The following VWA2 variants were observed in gnomAD, a reference collection of about 807,000 sequenced individuals.
VWA2 encodes von Willebrand factor A domain containing 2.
In VWA2, 73 loss-of-function variants were observed where a neutral mutation model predicts 70.4. The observed-to-expected ratio is 1.04, with a 90% confidence interval of 0.86 to 1.26. The LOEUF (loss-of-function observed/expected upper bound fraction) is 1.26, where lower values mean the gene tolerates loss of function less well. VWA2 is among the 50% of genes most tolerant of loss of function. The pLI, the probability that VWA2 is intolerant of heterozygous loss-of-function variation, is 0.00. For synonymous variants in VWA2, 407 were observed against 423.3 expected (o/e 0.96, Z 0.47); for missense variants, 1,011 against 998.5 (o/e 1.01, Z -0.17).
Position 114,286,398 on chromosome 10 carries a change from A to T in VWA2, c.1457A>T (p.Glu486Val), listed in dbSNP as rs1457085195. The change falls in exon 11 of 14, where the codon GAG (glutamate) becomes GTG (valine). Residue 486 changes from glutamate to valine, a missense_variant. By Grantham distance (121) the Glu-to-Val change is moderately radical. Coordinates refer to ENST00000392982, the MANE Select transcript of VWA2 (RefSeq NM_001272046.2). ...LGVGSEAVRA[E>V]LEEITGSPKH... ...GTAGGCAGTGAGGCCGTGCGGGCAGAGCTGGAGGAGATCACAGGCAGCCCA... is the reference window on the plus strand; with the variant it reads ...GTAGGCAGTGAGGCCGTGCGGGCAGTGCTGGAGGAGATCACAGGCAGCCCA... 1 of 1,613,926 alleles carries T rather than the reference A, an allele frequency of 6.2e-7. No individual in the cohort carries two copies. Among genetic ancestry groups the T allele is most frequent in the East Asian group, 2.2e-5 (1 of 44,878 alleles).
intron 7 of VWA2, 47 bp downstream of exon 7, chr10:114,278,094 G>A (rs199976059): frequency 1.9e-6 from 3 of 1,583,014 alleles, no homozygotes; most frequent in African/African-American, 1.3e-5. Context: ...TGTGGGGTCG[G>A]GGAGGGCTCC....
At chr10:114,265,090 CA>C (rs2037533452) in intron 5 of VWA2, among the ~76,000 whole-genome samples, 1 of 152,168 alleles carries the variant, frequency 6.6e-6, no homozygotes, top group Admixed American at 6.5e-5. Flanking sequence ...TAGTCATTGC[CA>C]GGGGCTGACG....
chr10:114,265,808 T>C (rs2037549615), intron 5 of VWA2, among the ~76,000 whole-genome samples: 1 of 152,190 alleles, frequency 6.6e-6, no homozygotes. Flanking sequence ...AGCACTTATG[T>C]TTCCTAGGAC....
chr10:114,254,206 G>A (rs1589743966), intron 3 of VWA2, among the ~76,000 whole-genome samples: 1 of 151,916 alleles, frequency 6.6e-6, no homozygotes, highest in East Asian at 2.0e-4. Flanking sequence ...CAAATAGCTG[G>A]GACCATAGGC....
chr10:114,265,655 T>C (rs998478822), intron 5 of VWA2, among the ~76,000 whole-genome samples: 1 of 152,188 alleles, frequency 6.6e-6, no homozygotes, highest in Non-Finnish European at 1.5e-5. Flanking sequence ...TCAGCTGTGT[T>C]GAGGTCATAA....
intron 8 of VWA2, among the ~76,000 whole-genome samples, chr10:114,279,257 G>T (rs2037938602): frequency 6.6e-6 from 1 of 152,172 alleles, no homozygotes; most frequent in Admixed American, 6.5e-5. Flanking sequence ...AGTCAGGGAG[G>T]CTATGGGATG....
Position 114,286,418 on chromosome 10 carries a change from A to G in VWA2, c.1477A>G (p.Ser493Gly). The G allele has an allele frequency of 6.2e-7, 1 of 1,613,884 alleles. No individual in the cohort carries two copies. The highest frequency in any genetic ancestry group is 8.5e-7 in the Non-Finnish European group (1 of 1,179,982). Residue 493 changes from serine (S) to glycine (G), a missense_variant, in exon 11 of 14, where the codon AGC becomes GGC. Transcript: ENST00000392982. ...GGCAGAGCTGGAGGAGATCACAGGC[A>G]GCCCAAAGCATGTGATGGTCTACTC... The part of the protein sequence containing the change: ...VRAELEEITG[S>G]PKHVMVYSDP...
At chr10:114,290,071 G>C (rs946004020) in intron 12 of VWA2, 169 bp from the exon 13 acceptor site, 1 of 747,904 alleles carries the variant, frequency 1.3e-6, no homozygotes, top group Admixed American at 2.9e-5. Context: ...AGGAGAGCTG[G>C]GTCTTACTAA....
rs548778680 is a variant in VWA2 at position 114,290,359 on chromosome 10, G to C, written c.2242G>C (p.Glu748Gln). 31 of 1,550,518 alleles carry C rather than the reference G, an allele frequency of 2.0e-5. No homozygotes were observed. In the Admixed American group the frequency reaches 4.3e-4, roughly 22 times the overall value. ...GGATGGCTGGGAGGGCCCCCACTGC[G>C]AGAACCGTGAGTGGAGCTCTTGCTC... ...CRDGWEGPHC[E>Q]NRFLRRP The change falls in exon 13 of 14, where the codon GAG becomes CAG. Residue 748 changes from glutamate to glutamine, a missense_variant. By Grantham distance (29) the Glu-to-Gln change is conservative. Coordinates refer to ENST00000392982, the MANE Select transcript of VWA2 (RefSeq NM_001272046.2).
At chr10:114,263,462 G>A (rs910502458) in intron 5 of VWA2, among the ~76,000 whole-genome samples, 2 of 146,764 alleles carry the variant, frequency 1.4e-5, no homozygotes, top group African/African-American at 2.5e-5. Context: ...TCAGCCTCCC[G>A]AGTAGCTGGG....
At chr10:114,253,873 A>G in intron 3 of VWA2, 148 bp downstream of exon 3, 1 of 753,968 alleles carries the variant, frequency 1.3e-6, no homozygotes, top group Non-Finnish European at 2.1e-6. Flanking sequence ...CCAAACAGGG[A>G]CCTGACCAAA....
At chr10:114,241,619 T>A (rs1408230236) in intron 1 of VWA2, among the ~76,000 whole-genome samples, 2 of 152,162 alleles carry the variant, frequency 1.3e-5, no homozygotes, top group African/African-American at 2.4e-5. Context: ...ACTCCCCTGA[T>A]GTGTGTGCAT....
chr10:114,257,753 G>A (rs1311272513), intron 4 of VWA2, among the ~76,000 whole-genome samples: 3 of 152,204 alleles, frequency 2.0e-5, no homozygotes, highest in Admixed American at 6.5e-5. Context: ...GCTATTGGGA[G>A]CAGATCCCAG....
chr10:114,277,481 C>T (rs924140395), intron 6 of VWA2, among the ~76,000 whole-genome samples: 4 of 152,144 alleles, frequency 2.6e-5, no homozygotes, highest in African/African-American at 7.2e-5. Flanking sequence ...CACACCCCCC[C>T]TCCGACTGTG....
At chr10:114,268,384 C>T (rs1230894947) in intron 5 of VWA2, among the ~76,000 whole-genome samples, 1 of 152,026 alleles carries the variant, frequency 6.6e-6, no homozygotes, top group Non-Finnish European at 1.5e-5. Context: ...TCAGAGCCCC[C>T]TGTCTGGGTT....
chr10:114,291,254 G>C lies in VWA2; in HGVS notation c.*17G>C. 2.6e-6 allele frequency: 4 copies of C among 1,549,610 alleles called. No individual in the cohort carries two copies. The South Asian group carries it at 4.8e-5, about 18-fold the overall frequency. Reference sequence around the variant, plus strand: ...CGCCCCTGAGGCACATGGCTCCCGTGCAGGAGGGCAGCAGCCGTACCCCTC... The same window carrying C: ...CGCCCCTGAGGCACATGGCTCCCGTCCAGGAGGGCAGCAGCCGTACCCCTC... On this transcript the variant is annotated 3_prime_UTR_variant, in exon 14 of 14. Coordinates refer to ENST00000392982, the MANE Select transcript of VWA2 (RefSeq NM_001272046.2).
In VWA2 at chr10:114,286,163, T is replaced by C; in HGVS notation, c.1222T>C (p.Trp408Arg). 1 of 1,614,106 alleles carries C rather than the reference T, an allele frequency of 6.2e-7. No homozygotes were observed. Among genetic ancestry groups the C allele is most frequent in the Non-Finnish European group, 8.5e-7 (1 of 1,180,014 alleles). Residue 408 changes from tryptophan (W) to arginine (R), a missense_variant, in exon 11 of 14, where the codon TGG becomes CGG. Coordinates refer to ENST00000392982, the MANE Select transcript of VWA2 (RefSeq NM_001272046.2). ...GTACCAGGATGTGCCTGACCTGGTC[T>C]GGAGCCTCGATGGCATTCCCTTCCG... is the stretch of plus-strand genomic sequence containing the variant. ...GEYQDVPDLV[W>R]SLDGIPFRGG... is the part of the protein sequence containing the mutation.
intron 5 of VWA2, among the ~76,000 whole-genome samples, chr10:114,268,533 C>T (rs947945623): frequency 2.0e-5 from 3 of 152,006 alleles, no homozygotes; most frequent in Non-Finnish European, 2.9e-5. Flanking sequence ...TTGAGCACAG[C>T]GCCTGGCACA....
intron 1 of VWA2, among the ~76,000 whole-genome samples, chr10:114,248,141 G>A (rs754345303): frequency 2.6e-5 from 4 of 151,478 alleles, no homozygotes; most frequent in East Asian, 1.9e-4. Flanking sequence ...TCCTTCAGCC[G>A]GATTACGATT....
Sources: gnomAD v4.1 joint callset for allele counts (sites outside exome capture counted in the v4.1 genomes callset) on GRCh38, gnomAD v4.1.1 for gene constraint, MANE v1.5 for transcripts, NCBI Gene and HGNC (gene_info 2026-07-23, HGNC 2026-07-21) for gene names.